SMAD5: variants seen among roughly 807,000 people sequenced by gnomAD.
SMAD5 encodes SMAD family member 5.
SMAD5 carries 9 observed loss-of-function variants against 43.1 expected under a neutral mutation model. That is an observed-to-expected ratio of 0.21 (90% CI 0.13 to 0.36). SMAD5 has a LOEUF of 0.36. SMAD5 is among the 10% of genes least tolerant of loss of function. The probability of loss-of-function intolerance (pLI) is 1.00; values close to 1 mark genes in which losing one functional copy is unlikely to be tolerated. For missense variants in SMAD5, 348 were observed against 574.0 expected, an observed-to-expected ratio of 0.61 and a Z score of 4.02; for synonymous variants, 190 against 192.4, an observed-to-expected ratio of 0.99 and a Z score of 0.10.
intron 2 of SMAD5, among the ~76,000 whole-genome samples, chr5:136,152,935 C>G (rs1753516862): frequency 6.6e-6 from 1 of 152,126 alleles, no homozygotes; most frequent in South Asian, 2.1e-4. Flanking sequence ...AAATTAGAAA[C>G]TGACCCTTTT....
intron 4 of SMAD5, among the ~76,000 whole-genome samples, chr5:136,161,969 A>G (rs962952688): frequency 5.3e-5 from 8 of 152,130 alleles, no homozygotes; most frequent in Middle Eastern, 3.2e-3. Flanking sequence ...AAGACCCAAG[A>G]CTCTTCTAAT....
Position 136,160,887 on chromosome 5 carries a change from T to C in SMAD5, c.435T>C (p.Asn145=). ...VLPPVLVPRH[N]EFNPQHSLLV... ...CTCCAGTATTAGTGCCTCGTCATAA[T>C]GAATTCAATCCACAACACAGCCTTC... The change falls in exon 4 of 8, where the codon AAT becomes AAC. Residue 145 remains asparagine, a synonymous_variant. Transcript: ENST00000545279. 2 of 1,613,972 alleles carry C rather than the reference T, an allele frequency of 1.2e-6. No homozygotes were observed. Among genetic ancestry groups the C allele is most frequent in the African/African-American group, 2.7e-5 (2 of 75,066 alleles).
At chr5:136,138,948 G>C (rs2149758945) in intron 1 of SMAD5, among the ~76,000 whole-genome samples, 1 of 152,158 alleles carries the variant, frequency 6.6e-6, no homozygotes, top group East Asian at 1.9e-4. Flanking sequence ...CCCATTATGG[G>C]CATTTATTTT....
At chr5:136,171,739 G>A (rs1754227742) in intron 5 of SMAD5, among the ~76,000 whole-genome samples, 1 of 152,178 alleles carries the variant, frequency 6.6e-6, no homozygotes, top group African/African-American at 2.4e-5. Flanking sequence ...TACAACATTA[G>A]AGTTGATGTG....
At position 136,171,922 on chromosome 5, in the gene SMAD5, G is replaced by A. The variant is rs370531529; in HGVS notation, c.776-512G>A. Among the ~76,000 whole-genome samples, 24 of 152,300 alleles carry A rather than the reference G, an allele frequency of 1.6e-4. 1 individual carries two copies. The highest frequency in any genetic ancestry group is 5.8e-4 in the African/African-American group (24 of 41,572). Reference sequence around the variant, plus strand: ...ACCAGTGTGATGGTATTTGAAGATGGAAATAATTAGGCTTGAGAGTGGGAT... The same window carrying A: ...ACCAGTGTGATGGTATTTGAAGATGAAAATAATTAGGCTTGAGAGTGGGAT... On this transcript the variant is annotated intron_variant, in intron 5 of 7. Transcript: ENST00000545279.
At position 136,153,732 on chromosome 5, in the gene SMAD5, A is replaced by G. The variant is rs1307687042; in HGVS notation, c.-29A>G. 2 of 1,570,502 alleles carry G rather than the reference A, an allele frequency of 1.3e-6. No individual in the cohort carries two copies. Among genetic ancestry groups the G allele is most frequent in the African/African-American group, 1.4e-5 (1 of 73,802 alleles). On this transcript the variant is annotated 5_prime_UTR_variant, in exon 3 of 8. Transcript: ENST00000545279. ...TTTCGGTAGCCACTGACTTTGAGTT[A>G]CAGGAAGGTCTCCGAAGATTTGTGT...
Position 136,182,131 on chromosome 5 carries a change from A to G in SMAD5, c.*4651A>G, listed in dbSNP as rs931066387. ...AAAGTACAGAATTTTGTGTACAGGT[A>G]GATTTTTCCGTCCCTCATTAATAGT... On this transcript the variant is annotated 3_prime_UTR_variant, in exon 8 of 8. Coordinates refer to ENST00000545279, the MANE Select transcript of SMAD5 (RefSeq NM_005903.7). The G allele has an allele frequency of 1.3e-5, 2 of 152,138 alleles. No homozygotes were observed. The highest frequency in any genetic ancestry group is 3.9e-4 in the East Asian group (2 of 5,192). The allele number at this position is 152,138 out of a possible 1,614,324, so 9.4% of individuals were successfully genotyped here.
intron 3 of SMAD5, among the ~76,000 whole-genome samples, chr5:136,157,777 A>G (rs1430185612): frequency 6.6e-6 from 1 of 152,144 alleles, no homozygotes; most frequent in South Asian, 2.1e-4. Flanking sequence ...CTCTCTCACC[A>G]TCACCTCCTG....
intron 5 of SMAD5, among the ~76,000 whole-genome samples, chr5:136,167,248 A>G (rs1337759632): frequency 6.6e-6 from 1 of 151,310 alleles, no homozygotes; most frequent in Non-Finnish European, 1.5e-5. Context: ...CATGCAACTC[A>G]TTTGTACCTG....
intron 6 of SMAD5, 30 bp downstream of exon 6, chr5:136,172,685 G>C: frequency 7.1e-7 from 1 of 1,401,680 alleles, no homozygotes; most frequent in Admixed American, 1.7e-5. Context: ...ACATTTAATC[G>C]AATTCAATCA....
intron 3 of SMAD5, among the ~76,000 whole-genome samples, chr5:136,155,223 T>C (rs1039312330): frequency 3.9e-5 from 6 of 152,208 alleles, no homozygotes; most frequent in Non-Finnish European, 5.9e-5. Flanking sequence ...GTTTCCCCTA[T>C]TGAAGTGAAT....
At position 136,143,260 on chromosome 5, in the gene SMAD5, G is replaced by A. The variant is rs558556211; in HGVS notation, c.-244-4572G>A. On this transcript the variant is annotated intron_variant, in intron 1 of 7. Coordinates refer to ENST00000545279, the MANE Select transcript of SMAD5 (RefSeq NM_005903.7). ...CTTCTGTTTATTTGTGACATCCCTC[G>A]TATCTCTTTTTTTTTTTTTTATTTA... Among the ~76,000 whole-genome samples the A allele has an allele frequency of 7.4e-5, 11 of 148,522 alleles. No individual in the cohort carries two copies. In the South Asian group the frequency reaches 1.1e-3, roughly 14 times the overall value.
At chr5:136,170,940 G>A (rs1754197596) in intron 5 of SMAD5, among the ~76,000 whole-genome samples, 1 of 152,072 alleles carries the variant, frequency 6.6e-6, no homozygotes, top group East Asian at 1.9e-4. Flanking sequence ...TTGCTATAAT[G>A]CTTACTAGTT....
intron 2 of SMAD5, among the ~76,000 whole-genome samples, chr5:136,152,955 T>G (rs1753517404): frequency 1.3e-5 from 2 of 152,170 alleles, no homozygotes; most frequent in Admixed American, 6.5e-5. Context: ...TAAAATGAAT[T>G]TATTCTCTTT....
chr5:136,155,767 T>G (rs560014465), intron 3 of SMAD5, among the ~76,000 whole-genome samples: 1 of 152,336 alleles, frequency 6.6e-6, no homozygotes, highest in East Asian at 1.9e-4. Flanking sequence ...TATTAGATAT[T>G]TATTTTGTTT....
intron 5 of SMAD5, among the ~76,000 whole-genome samples, chr5:136,164,523 T>C (rs1365424091): frequency 6.6e-6 from 1 of 152,224 alleles, no homozygotes; most frequent in African/African-American, 2.4e-5. Context: ...TTGTTGGCCA[T>C]TTATATATCT....
At chr5:136,132,992 G>A (rs750998747) in intron 1 of SMAD5, 30 bp downstream of exon 1, 1 of 152,412 alleles carries the variant, frequency 6.6e-6, no homozygotes, top group Non-Finnish European at 1.5e-5. Flanking sequence ...GCGCGCGGGC[G>A]AGGGGAACTG....
At chr5:136,155,912 A>T (rs1724096254) in intron 3 of SMAD5, among the ~76,000 whole-genome samples, 1 of 152,154 alleles carries the variant, frequency 6.6e-6, no homozygotes, top group South Asian at 2.1e-4. Context: ...GTATAAGCTG[A>T]GCTGCTAGCT....
chr5:136,147,837 A>G lies in SMAD5; in HGVS notation c.-239A>G, dbSNP rs1753312605. On this transcript the variant is annotated 5_prime_UTR_variant, in exon 2 of 8. Transcript: ENST00000545279. ...GCAATTGATTTTTTTTTTAGAAAGG[A>G]AGCTGTTGAAGTTATTGAAGTACCT... is the stretch of plus-strand genomic sequence containing the variant. The G allele has an allele frequency of 6.6e-6, 1 of 151,484 alleles. No homozygotes were observed. The highest frequency in any genetic ancestry group is 2.4e-5 in the African/African-American group (1 of 41,282). The allele number at this position is 151,484 out of a possible 1,614,324, so 9.4% of individuals were successfully genotyped here. A position where few individuals can be genotyped will look rare whatever the true frequency, so the allele number is the denominator to read the frequency against.
Sources: gnomAD v4.1 joint callset for allele counts (sites outside exome capture counted in the v4.1 genomes callset) on GRCh38, gnomAD v4.1.1 for gene constraint, MANE v1.5 for transcripts, NCBI Gene and HGNC (gene_info 2026-07-23, HGNC 2026-07-21) for gene names.